RFX4: variants seen among roughly 807,000 people sequenced by gnomAD.
The protein encoded by RFX4 is transcription factor RFX4.
RFX4 carries 10 observed loss-of-function variants against 95.0 expected under a neutral mutation model. The observed-to-expected ratio is 0.11, with a 90% CI of 0.06 to 0.18. RFX4 has a LOEUF of 0.18. RFX4 is among the 10% of genes least tolerant of loss of function. RFX4 has a pLI of 1.00. For missense variants in RFX4, 640 were observed against 922.0 expected (o/e 0.69, Z 3.96); for synonymous variants, 321 against 340.7 (o/e 0.94, Z 0.64).
intron 1 of RFX4, among the ~76,000 whole-genome samples, chr12:106,588,028 A>G (rs958804228): frequency 6.6e-6 from 1 of 152,210 alleles, no homozygotes; most frequent in African/African-American, 2.4e-5. Context: ...TAGACAGCTC[A>G]CAGGCTGGGA....
At chr12:106,663,756 G>T (rs1258555650) in intron 4 of RFX4, among the ~76,000 whole-genome samples, 49 of 138,726 alleles carry the variant, frequency 3.5e-4, no homozygotes, top group Admixed American at 2.6e-3. Flanking sequence ...TGCAGAAAGC[G>T]TTTTTTTTTT....
chr12:106,724,309 T>G (rs542594742), intron 13 of RFX4, among the ~76,000 whole-genome samples: 1 of 152,220 alleles, frequency 6.6e-6, no homozygotes, highest in Non-Finnish European at 1.5e-5. Flanking sequence ...AGAATTTCCT[T>G]GCACAAGATC....
At chr12:106,700,551 C>T (rs1054214209) in intron 8 of RFX4, among the ~76,000 whole-genome samples, 8 of 150,864 alleles carry the variant, frequency 5.3e-5, no homozygotes, top group Admixed American at 1.3e-4. Flanking sequence ...GGACTACAGG[C>T]GCCAGCTACC....
intron 4 of RFX4, among the ~76,000 whole-genome samples, chr12:106,664,532 A>G (rs2041135636): frequency 6.6e-6 from 1 of 151,276 alleles, no homozygotes; most frequent in South Asian, 2.1e-4. Context: ...TTCTTTATTG[A>G]TTTCCTGTTT....
chr12:106,615,071 C>T (rs1033164525), intron 2 of RFX4, among the ~76,000 whole-genome samples: 17 of 152,126 alleles, frequency 1.1e-4, no homozygotes, highest in African/African-American at 4.1e-4. Context: ...ACCTGAAGTT[C>T]ATGAAGGTCT....
At chr12:106,685,000 G>T in intron 5 of RFX4, 1 of 1,583,944 alleles carries the variant, frequency 6.3e-7, no homozygotes, top group Non-Finnish European at 8.6e-7. Context: ...AATTCAAAAT[G>T]CCTTCTCATC....
intron 4 of RFX4, among the ~76,000 whole-genome samples, chr12:106,655,057 A>G (rs2040929093): frequency 6.6e-6 from 1 of 152,184 alleles, no homozygotes; most frequent in Non-Finnish European, 1.5e-5. Context: ...CTTGTTCTGT[A>G]CCATGATTTT....
chr12:106,666,094 T>A (rs1350557385), intron 4 of RFX4, among the ~76,000 whole-genome samples: 1 of 152,050 alleles, frequency 6.6e-6, no homozygotes, highest in Non-Finnish European at 1.5e-5. Context: ...TTAATTTTTG[T>A]TTGTCTGAGA....
At chr12:106,689,435 A>G in intron 7 of RFX4, 71 bp downstream of exon 7, 1 of 1,264,464 alleles carries the variant, frequency 7.9e-7, no homozygotes, top group Non-Finnish European at 1.2e-6. Flanking sequence ...CTATTTCATG[A>G]GCTCCTGCTA....
chr12:106,713,078 A>T (rs2042221837), intron 10 of RFX4, among the ~76,000 whole-genome samples: 1 of 152,210 alleles, frequency 6.6e-6, no homozygotes, highest in Non-Finnish European at 1.5e-5. Flanking sequence ...CCCCATTTCC[A>T]TCTCTACCGG....
intron 3 of RFX4, among the ~76,000 whole-genome samples, chr12:106,650,039 C>A (rs1260244701): frequency 1.3e-5 from 2 of 152,162 alleles, no homozygotes; most frequent in African/African-American, 2.4e-5. Context: ...ATTAATCAGC[C>A]ACTATGTGCC....
intron 1 of RFX4, among the ~76,000 whole-genome samples, chr12:106,592,037 A>T (rs552983477): frequency 6.6e-4 from 101 of 152,292 alleles, no homozygotes; most frequent in African/African-American, 2.2e-3. Context: ...ACATTCTAGG[A>T]TGGTTATGAA....
intron 1 of RFX4, among the ~76,000 whole-genome samples, chr12:106,594,230 G>T (rs1463840618): frequency 6.6e-6 from 1 of 152,140 alleles, no homozygotes; most frequent in East Asian, 1.9e-4. Flanking sequence ...AGTTTACAAG[G>T]GAGAAAAATT....
chr12:106,629,818 A>G (rs1214290901), intron 2 of RFX4, among the ~76,000 whole-genome samples: 2 of 152,136 alleles, frequency 1.3e-5, no homozygotes, highest in African/African-American at 4.8e-5. Flanking sequence ...GGGTCTCACT[A>G]TGACCCTCCG....
At chr12:106,600,720 C>T (rs1258480990) in intron 1 of RFX4, among the ~76,000 whole-genome samples, 1 of 152,092 alleles carries the variant, frequency 6.6e-6, no homozygotes, top group South Asian at 2.1e-4. Flanking sequence ...AACTTTCTAC[C>T]TCATTTCCTG....
intron 17 of RFX4, among the ~76,000 whole-genome samples, chr12:106,753,479 T>C (rs557123298): frequency 6.6e-6 from 1 of 152,308 alleles, no homozygotes; most frequent in African/African-American, 2.4e-5. Context: ...CTTTCCTGTC[T>C]GACGCGCACG....
intron 1 of RFX4, among the ~76,000 whole-genome samples, chr12:106,599,762 C>T (rs745437941): frequency 1.3e-5 from 2 of 151,862 alleles, no homozygotes; most frequent in Non-Finnish European, 2.9e-5. Flanking sequence ...CATAATGAGC[C>T]TCTAGCGGCC....
At chr12:106,630,160 T>C (rs530090920) in intron 2 of RFX4, among the ~76,000 whole-genome samples, 3 of 152,314 alleles carry the variant, frequency 2.0e-5, no homozygotes, top group Admixed American at 2.0e-4. Flanking sequence ...TTTTCTATGG[T>C]GGGCAGATGA....
In RFX4 at chr12:106,635,899, GAAC is replaced by G. The variant is rs370603273; in HGVS notation, c.131-3428_131-3426del. 1.8e-4 allele frequency among the ~76,000 whole-genome samples: 28 copies of G among 152,272 alleles called. No individual in the cohort carries two copies. In the East Asian group the frequency reaches 5.0e-3, roughly 27 times the overall value. On this transcript the variant is annotated intron_variant, in intron 2 of 17. Transcript: ENST00000392842. ...ATTTGTTTCCTTTTCACTTCTTTGT[GAAC>G]AACAGAGGTTGAGTATTGTTCTATG... is the stretch of plus-strand genomic sequence containing the variant.
Sources: gnomAD v4.1 joint callset for allele counts (sites outside exome capture counted in the v4.1 genomes callset) on GRCh38, gnomAD v4.1.1 for gene constraint, MANE v1.5 for transcripts, NCBI Gene and HGNC (gene_info 2026-07-23, HGNC 2026-07-21) for gene names.